Variants in PPP4R3B observed in about 807,000 individuals in gnomAD.
PPP4R3B encodes serine/threonine-protein phosphatase 4 regulatory subunit 3B.
PPP4R3B carries 52 observed loss-of-function variants against 95.4 expected under a neutral mutation model. The observed-to-expected ratio is 0.54, with a 90% CI of 0.44 to 0.69. The LOEUF (loss-of-function observed/expected upper bound fraction) is 0.69. Ranked by LOEUF, PPP4R3B falls within the 30% of genes least tolerant of loss-of-function variation. The probability of loss-of-function intolerance (pLI) is 0.00; values close to 1 mark genes in which losing one functional copy is unlikely to be tolerated. For missense variants in PPP4R3B, 1,003 were observed against 1,005.9 expected, an observed-to-expected ratio of 1.00 and a Z score of 0.04; for synonymous variants, 407 against 343.9, an observed-to-expected ratio of 1.18 and a Z score of -2.03.
chr2:55,569,616 A>G (rs13027095), intron 12 of PPP4R3B, among the ~76,000 whole-genome samples: 1 of 151,912 alleles, frequency 6.6e-6, no homozygotes, highest in African/African-American at 2.4e-5. Context: ...GGCAGGGAGG[A>G]GCCCCCTGTC....
intron 3 of PPP4R3B, among the ~76,000 whole-genome samples, chr2:55,600,602 G>T (rs1692429426): frequency 6.6e-6 from 1 of 151,972 alleles, no homozygotes; most frequent in Non-Finnish European, 1.5e-5. Flanking sequence ...CAGTAGTTAG[G>T]AGCAAAAAAC....
chr2:55,600,651 T>G (rs1391644729), intron 3 of PPP4R3B, among the ~76,000 whole-genome samples: 1 of 151,874 alleles, frequency 6.6e-6, no homozygotes, highest in Non-Finnish European at 1.5e-5. Context: ...TTTTAAGAAG[T>G]AGAGTGCTGC....
chr2:55,615,148 C>G (rs1304544765), intron 2 of PPP4R3B: 2 of 238,908 alleles, frequency 8.4e-6, no homozygotes, highest in East Asian at 2.3e-4. Context: ...TTCCTTTAAA[C>G]GTGACTCAGA....
Position 55,578,265 on chromosome 2 carries a change from A to AG in PPP4R3B, c.1545dup (p.Ser516LeufsTer8). The AG allele has an allele frequency of 6.8e-7, 1 of 1,476,850 alleles. No homozygotes were observed. The allele number at this position is 1,476,850 out of a possible 1,614,324, so 91.5% of individuals were successfully genotyped here. A position where few individuals can be genotyped will look rare whatever the true frequency, so the allele number is the denominator to read the frequency against. On this transcript the variant is annotated frameshift_variant, in exon 10 of 17. Transcript: ENST00000616407. LOFTEE classifies it high-confidence loss of function. ...AGCATACCTTGAGAGATGGAGGAAG[A>AG]GGGGGTAGAATGGGAATGGGAATGT...
chr2:55,561,456 C>A (rs1285891096), intron 15 of PPP4R3B, among the ~76,000 whole-genome samples: 1 of 152,212 alleles, frequency 6.6e-6, no homozygotes, highest in Non-Finnish European at 1.5e-5. Context: ...GGGCCACCAT[C>A]CTCCAGACCC....
chr2:55,572,332 A>C (rs553916182), intron 12 of PPP4R3B, among the ~76,000 whole-genome samples: 59 of 152,338 alleles, frequency 3.9e-4, no homozygotes, highest in African/African-American at 1.3e-3. Flanking sequence ...ACTACAAATA[A>C]AGGCAAAGAC....
In PPP4R3B at chr2:55,595,738, GAA is replaced by G. The variant is rs11367361; in HGVS notation, c.921+2676_921+2677del. Among the ~76,000 whole-genome samples, 365 of 130,478 alleles carry G rather than the reference GAA, an allele frequency of 2.8e-3. 1 individual carries two copies. Among genetic ancestry groups the G allele is most frequent in the African/African-American group, 8.5e-3 (283 of 33,206 alleles). The allele number at this position is 130,478 out of a possible 152,430, so 85.6% of individuals were successfully genotyped here. On this transcript the variant is annotated intron_variant, in intron 4 of 16. Transcript: ENST00000616407. The stretch of plus-strand genomic sequence containing the variant: ...ATATGTTCTTTAAGCAAAAGTACAT[GAA>G]AAAAAAAAAAAAAACACAGCCTCAC...
chr2:55,596,098 C>T (rs1203910528), intron 4 of PPP4R3B, among the ~76,000 whole-genome samples: 1 of 152,070 alleles, frequency 6.6e-6, no homozygotes, highest in African/African-American at 2.4e-5. Context: ...TAGCCACATA[C>T]TCGTATACAC....
Position 55,594,505 on chromosome 2 carries a change from T to C in PPP4R3B, c.921+3911A>G, listed in dbSNP as rs541667725. ...TTATAGCCTTCACAAATAAACCTATTATAAAATACATAAAATGACAAAGTT... is the reference window on the plus strand; with the variant it reads ...TTATAGCCTTCACAAATAAACCTATCATAAAATACATAAAATGACAAAGTT... On this transcript the variant is annotated intron_variant, in intron 4 of 16. Transcript: ENST00000616407. Among the ~76,000 whole-genome samples, 82 of 152,246 alleles carry C rather than the reference T, an allele frequency of 5.4e-4. 1 individual carries two copies. Among genetic ancestry groups the C allele is most frequent in the Admixed American group, 5.4e-3 (82 of 15,272 alleles).
At chr2:55,557,732 G>A (rs1338859850) in intron 16 of PPP4R3B, among the ~76,000 whole-genome samples, 1 of 151,970 alleles carries the variant, frequency 6.6e-6, no homozygotes, top group East Asian at 1.9e-4. Flanking sequence ...TACTACCACG[G>A]TGTTTCTGCT....
At chr2:55,555,600 G>A (rs1236154782) in intron 16 of PPP4R3B, among the ~76,000 whole-genome samples, 3 of 152,078 alleles carry the variant, frequency 2.0e-5, no homozygotes, top group Non-Finnish European at 2.9e-5. Flanking sequence ...TGTAATCCTA[G>A]AACATTATAA....
chr2:55,585,235 T>C (rs1056430468), intron 6 of PPP4R3B, 68 bp from the exon 7 acceptor site: 22 of 1,221,626 alleles, frequency 1.8e-5, no homozygotes, highest in Non-Finnish European at 2.2e-5. Flanking sequence ...TCTTTTTTCT[T>C]TTCCAAATCC....
chr2:55,576,137 A>C (rs1200440361), intron 11 of PPP4R3B, among the ~76,000 whole-genome samples: 1 of 151,924 alleles, frequency 6.6e-6, no homozygotes, highest in East Asian at 2.0e-4. Context: ...GCCTGAGGTC[A>C]GGAGTTTGAG....
chr2:55,579,098 C>A (rs1267838576), intron 9 of PPP4R3B, among the ~76,000 whole-genome samples: 2 of 152,008 alleles, frequency 1.3e-5, no homozygotes, highest in African/African-American at 4.8e-5. Flanking sequence ...CAGACTCCTT[C>A]AAAAAATTTT....
intron 2 of PPP4R3B, among the ~76,000 whole-genome samples, chr2:55,608,419 A>T (rs540591765): frequency 5.1e-4 from 78 of 152,350 alleles, no homozygotes; most frequent in African/African-American, 1.8e-3. Flanking sequence ...GGAAACAGTC[A>T]ACGGTTACTG....
At chr2:55,609,920 A>G in intron 2 of PPP4R3B, among the ~76,000 whole-genome samples, 1 of 152,210 alleles carries the variant, frequency 6.6e-6, no homozygotes, top group East Asian at 1.9e-4. Flanking sequence ...GTACGGACAG[A>G]ATCTGGCGTG....
At position 55,598,630 on chromosome 2, in the gene PPP4R3B, T is replaced by C. The variant is rs572764581; in HGVS notation, c.707A>G (p.Lys236Arg). Residue 236 changes from lysine to arginine, a missense_variant, in exon 4 of 17, where the codon AAA (lysine) becomes AGA (arginine). Lys to Arg is a conservative substitution (Grantham distance 26, BLOSUM62 2). Coordinates refer to ENST00000616407, the MANE Select transcript of PPP4R3B (RefSeq NM_001122964.3). Reference protein sequence around the residue: ...LEYDPALAQPKRHREFLTKTA... With the variant: ...LEYDPALAQPRRHREFLTKTA... ...TTTGGTCAAGAATTCTCTATGTCTT[T>C]TTGGCTGAGCCAAAGCAGGGTCATA... 35 of 1,614,220 alleles carry C rather than the reference T, an allele frequency of 2.2e-5. No homozygotes were observed. The South Asian group carries it at 2.7e-4, about 13-fold the overall frequency.
chr2:55,593,241 G>A (rs1204547977), intron 4 of PPP4R3B, among the ~76,000 whole-genome samples: 1 of 152,126 alleles, frequency 6.6e-6, no homozygotes, highest in African/African-American at 2.4e-5. Context: ...TCTGCAATTA[G>A]CTAGAACATT....
At chr2:55,569,695 T>C (rs983689345) in intron 12 of PPP4R3B, among the ~76,000 whole-genome samples, 1 of 152,136 alleles carries the variant, frequency 6.6e-6, no homozygotes, top group African/African-American at 2.4e-5. Context: ...TTCTGCCCCT[T>C]TGTCTTGTAT....
Sources: allele counts gnomAD v4.1 joint callset (sites outside exome capture counted in the v4.1 genomes callset), GRCh38; gene constraint gnomAD v4.1.1; transcripts MANE v1.5; gene names NCBI Gene and HGNC (gene_info 2026-07-23, HGNC 2026-07-21).